Variants in PCDHGA7 observed in about 807,000 individuals in gnomAD.
PCDHGA7 encodes protocadherin gamma subfamily A, 7, also known as protocadherin gamma-A7.
A neutral mutation model predicts 58.3 loss-of-function variants in PCDHGA7; 44 were observed. The observed-to-expected ratio is 0.75, with a 90% CI of 0.59 to 0.97. The LOEUF is 0.97. Among genes scored for constraint, PCDHGA7 ranks in the 50% least tolerant of loss-of-function variants. PCDHGA7 has a pLI of 0.00. For synonymous variants in PCDHGA7, 516 were observed against 504.2 expected, an observed-to-expected ratio of 1.02 and a Z score of -0.31; for missense variants, 1,266 against 1,188.7, an observed-to-expected ratio of 1.06 and a Z score of -0.96.
intron 1 of PCDHGA7, chr5:141,415,755 T>TTTG: frequency 1.4e-6 from 2 of 1,387,632 alleles, no homozygotes; most frequent in Middle Eastern, 2.6e-4. Context: ...TTTTTTTTTT[T>TTTG]TTTTTTTTTT....
At chr5:141,409,908 C>T (rs1255447661) in intron 1 of PCDHGA7, 1 of 1,613,204 alleles carries the variant, frequency 6.2e-7, no homozygotes, top group Non-Finnish European at 8.5e-7. Context: ...GCTCTGGGTC[C>T]TGACGGCTCC....
chr5:141,445,608 C>T (rs2098472204), intron 1 of PCDHGA7, among the ~76,000 whole-genome samples: 1 of 152,108 alleles, frequency 6.6e-6, no homozygotes, highest in South Asian at 2.1e-4. Context: ...TCAAGGAAGG[C>T]TTTCTTTTTT....
At position 141,431,418 on chromosome 5, in the gene PCDHGA7, C is replaced by G. The variant is rs571505529; in HGVS notation, c.2424+46095C>G. On this transcript the variant is annotated intron_variant, in intron 1 of 3. Transcript: ENST00000518325. The surrounding 1 kb of genome is among the most constrained non-coding windows in gnomAD (Gnocchi z 4.8). ...CTTACGGCCTCCGACGGGGGCGACC[C>G]GGTGCGCACAGGCACCGCGCGCATC... is the stretch of plus-strand genomic sequence containing the variant. 6.8e-6 allele frequency: 11 copies of G among 1,613,588 alleles called. No homozygotes were observed. In the South Asian group the frequency reaches 1.1e-4, roughly 16 times the overall value.
chr5:141,410,712 T>C (rs776042818), intron 1 of PCDHGA7: 2 of 1,437,800 alleles, frequency 1.4e-6, no homozygotes, highest in Non-Finnish European at 1.9e-6. Context: ...TCTAGAATCA[T>C]ATGTTTAAAA....
intron 2 of PCDHGA7, among the ~76,000 whole-genome samples, chr5:141,503,570 G>T (rs996006002): frequency 3.4e-4 from 50 of 147,216 alleles, no homozygotes; most frequent in African/African-American, 1.2e-3. Context: ...CTGTACTCCA[G>T]CCTGGGTGAC....
intron 1 of PCDHGA7, chr5:141,385,616 A>G: frequency 1.8e-6 from 2 of 1,098,642 alleles, no homozygotes; most frequent in Non-Finnish European, 2.3e-6. Context: ...TATATTTTAT[A>G]CATTGGAATG....
At chr5:141,478,161 C>T (rs201111122) in intron 1 of PCDHGA7, 20 of 1,613,852 alleles carry the variant, frequency 1.2e-5, no homozygotes, top group Admixed American at 3.3e-5. Context: ...TCTGGCTCTG[C>T]CCCCCGGGAG....
Position 141,485,616 on chromosome 5 carries a change from C to T in PCDHGA7, c.2425-9191C>T. On this transcript the variant is annotated intron_variant, in intron 1 of 3. Coordinates refer to ENST00000518325, the MANE Select transcript of PCDHGA7 (RefSeq NM_018920.4). This position sits in a 1 kb window ranked among gnomAD's most constrained non-coding sequence, Gnocchi z 5.7. ...TTGGAAATTGGGGAGGCAGCTCCTCCAGGACAGCGTTTCCCGTTGGAAAAG... is the reference window on the plus strand; with the variant it reads ...TTGGAAATTGGGGAGGCAGCTCCTCTAGGACAGCGTTTCCCGTTGGAAAAG... 1 of 1,612,210 alleles carries T rather than the reference C, an allele frequency of 6.2e-7. No individual in the cohort carries two copies.
intron 1 of PCDHGA7, among the ~76,000 whole-genome samples, chr5:141,425,427 A>G (rs925551543): frequency 2.2e-4 from 33 of 152,362 alleles, no homozygotes; most frequent in Non-Finnish European, 4.1e-4. Flanking sequence ...GTCCCATTAA[A>G]TAGAGGATAA....
At position 141,477,272 on chromosome 5, in the gene PCDHGA7, C is replaced by G. The variant is rs2099408579; in HGVS notation, c.2425-17535C>G. The G allele has an allele frequency of 1.2e-6, 2 of 1,614,090 alleles. No homozygotes were observed. The highest frequency in any genetic ancestry group is 1.7e-6 in the Non-Finnish European group (2 of 1,180,048). Reference sequence around the variant, plus strand: ...TGACCTGGATGCTGGCGAGAACGGGCTGGTGACCTGCGAAGTTCCACCGGG... The same window carrying G: ...TGACCTGGATGCTGGCGAGAACGGGGTGGTGACCTGCGAAGTTCCACCGGG... On this transcript the variant is annotated intron_variant, in intron 1 of 3. Coordinates refer to ENST00000518325, the MANE Select transcript of PCDHGA7 (RefSeq NM_018920.4). This position sits in a 1 kb window ranked among gnomAD's most constrained non-coding sequence, Gnocchi z 4.9.
Position 141,487,631 on chromosome 5 carries a change from G to T in PCDHGA7, c.2425-7176G>T. Reference sequence around the variant, plus strand: ...TGGGCTAGAGGTGAGACCTTTGCAGGCTCAACAAATGCTTGAGGGTTATTC... The same window carrying T: ...TGGGCTAGAGGTGAGACCTTTGCAGTCTCAACAAATGCTTGAGGGTTATTC... On this transcript the variant is annotated intron_variant, in intron 1 of 3. Transcript: ENST00000518325. The surrounding 1 kb of genome is among the most constrained non-coding windows in gnomAD (Gnocchi z 5.0). The T allele has an allele frequency of 6.2e-7, 1 of 1,614,176 alleles. No individual in the cohort carries two copies. Among genetic ancestry groups the T allele is most frequent in the Non-Finnish European group, 8.5e-7 (1 of 1,180,032 alleles).
chr5:141,418,579 A>G (rs1561774780), intron 1 of PCDHGA7: 1 of 1,614,000 alleles, frequency 6.2e-7, no homozygotes, highest in Admixed American at 1.7e-5. Flanking sequence ...ACAACCCCCC[A>G]GTGTTCAGCC....
Position 141,476,934 on chromosome 5 carries a change from A to G in PCDHGA7, c.2425-17873A>G, listed in dbSNP as rs199685528. On this transcript the variant is annotated intron_variant, in intron 1 of 3. Transcript: ENST00000518325. The surrounding 1 kb of genome is among the most constrained non-coding windows in gnomAD (Gnocchi z 7.6). ...CAAGTCCTTGCAACGGATCTGGATG[A>G]AGGCCCCAACGGTGAAATTATTTAC... 255 of 1,614,164 alleles carry G rather than the reference A, an allele frequency of 1.6e-4. 3 individuals carry two copies. In the South Asian group the frequency reaches 2.6e-3, roughly 16 times the overall value.
chr5:141,408,202 G>A (rs778320550), intron 1 of PCDHGA7: 6 of 1,549,832 alleles, frequency 3.9e-6, no homozygotes, highest in African/African-American at 1.4e-5. Flanking sequence ...CCGAGCGAAC[G>A]ATGGGAGGGA....
Position 141,432,124 on chromosome 5 carries a change from C to G in PCDHGA7, c.2424+46801C>G, listed in dbSNP as rs1286909667. On this transcript the variant is annotated intron_variant, in intron 1 of 3. Transcript: ENST00000518325. The surrounding 1 kb of genome is among the most constrained non-coding windows in gnomAD (Gnocchi z 6.0). ...ACAACCCGCCGGTCTTCCCTCAGGC[C>G]TCCTATTCCGCTTATATCCCAGAGA... 6.2e-7 allele frequency: 1 copy of G among 1,614,156 alleles called. No homozygotes were observed. The highest frequency in any genetic ancestry group is 1.1e-5 in the South Asian group (1 of 91,066).
chr5:141,388,324 A>G, intron 1 of PCDHGA7: 1 of 1,613,978 alleles, frequency 6.2e-7, no homozygotes, highest in Non-Finnish European at 8.5e-7. Context: ...GAGTCTGCAC[A>G]GCCTGGCACA....
rs374159387 is a variant in PCDHGA7, at chr5:141,385,182, G to A, written c.2283G>A (p.Ala761=). 154 of 1,614,138 alleles carry A rather than the reference G, an allele frequency of 9.5e-5. 1 individual carries two copies. The African/African-American group carries it at 1.3e-3, about 14-fold the overall frequency. ...ATTCCCATGAGGTCTCCCTCACCGC[G>A]GACTCTCGGAAGAGTCACCTGATCT... The part of the protein sequence containing the change: ...QTYSHEVSLT[A]DSRKSHLIFP... Residue 761 remains alanine, a synonymous_variant, in exon 1 of 4, where the codon GCG becomes GCA. Coordinates refer to ENST00000518325, the MANE Select transcript of PCDHGA7 (RefSeq NM_018920.4).
intron 1 of PCDHGA7, among the ~76,000 whole-genome samples, chr5:141,451,108 G>A (rs1484218835): frequency 3.3e-5 from 5 of 151,860 alleles, no homozygotes; most frequent in South Asian, 2.1e-4. Flanking sequence ...GATTACAGGC[G>A]TGAGCCACCA....
At chr5:141,396,515 G>A (rs1162905890) in intron 1 of PCDHGA7, 3 of 152,048 alleles carry the variant, frequency 2.0e-5, no homozygotes, top group Non-Finnish European at 4.4e-5. Flanking sequence ...AGCTACTCGG[G>A]AGGCTGAGGC....
Sources: allele counts gnomAD v4.1 joint callset (sites outside exome capture counted in the v4.1 genomes callset), GRCh38; gene constraint gnomAD v4.1.1; non-coding constraint Gnocchi (gnomAD v3.1); transcripts MANE v1.5; gene names NCBI Gene and HGNC (gene_info 2026-07-23, HGNC 2026-07-21).